The following MED12L variants were observed in gnomAD, a reference collection of about 807,000 sequenced individuals.
The protein encoded by MED12L is mediator complex subunit 12L.
MED12L carries 60 observed loss-of-function variants against 281.3 expected under a neutral mutation model. The observed-to-expected ratio is 0.21, with a 90% CI of 0.17 to 0.26. The LOEUF (loss-of-function observed/expected upper bound fraction) is 0.26, where lower values mean the gene tolerates loss of function less well. Among genes scored for constraint, MED12L ranks in the 10% least tolerant of loss-of-function variants. MED12L has a pLI of 1.00. For missense variants in MED12L, 2,146 were observed against 2,680.9 expected (o/e 0.80, Z 4.41); for synonymous variants, 974 against 987.2 (o/e 0.99, Z 0.25).
intron 44 of MED12L, among the ~76,000 whole-genome samples, chr3:151,430,955 T>G (rs1001250509): frequency 5.9e-5 from 9 of 151,724 alleles, no homozygotes; most frequent in Non-Finnish European, 1.5e-5. Context: ...TGTTTTGTTT[T>G]GTTTAATGTG....
At position 151,153,564 on chromosome 3, in the gene MED12L, C is replaced by CTTTTTTTT. The variant is rs1177653143; in HGVS notation, c.557-2582_557-2575dup. 1.1e-4 allele frequency among the ~76,000 whole-genome samples: 10 copies of CTTTTTTTT among 94,266 alleles called. 1 individual carries two copies. Among genetic ancestry groups the CTTTTTTTT allele is most frequent in the African/African-American group, 3.6e-4 (8 of 22,126 alleles). The allele number at this position is 94,266 out of a possible 152,430, so 61.8% of individuals were successfully genotyped here. A position where few individuals can be genotyped will look rare whatever the true frequency, so the allele number is the denominator to read the frequency against. On this transcript the variant is annotated intron_variant, in intron 5 of 44. Transcript: ENST00000687756. The stretch of plus-strand genomic sequence containing the variant: ...GTATGTATCCGTTTCTGTTTTCTTT[C>CTTTTTTTT]TTTTTTTTTTTTTTTTTTTTTTGAG...
chr3:151,094,701 C>T (rs1720489128), intron 2 of MED12L, among the ~76,000 whole-genome samples: 1 of 152,102 alleles, frequency 6.6e-6, no homozygotes. Flanking sequence ...GAAGGATTAC[C>T]ACTCACATGC....
At chr3:151,390,312 C>T (rs750332876) in intron 38 of MED12L, among the ~76,000 whole-genome samples, 177 bp downstream of exon 38, 9 of 152,056 alleles carry the variant, frequency 5.9e-5, no homozygotes, top group Non-Finnish European at 8.8e-5. Context: ...GGTTAAATTA[C>T]GAGTTTATGT....
intron 38 of MED12L, among the ~76,000 whole-genome samples, chr3:151,391,672 G>A (rs573899701): frequency 1.3e-4 from 20 of 152,302 alleles, no homozygotes; most frequent in South Asian, 6.2e-4. Flanking sequence ...ATCTTGGGCC[G>A]CATGCAGCAC....
chr3:151,291,765 A>G (rs1744284821), intron 16 of MED12L, among the ~76,000 whole-genome samples: 1 of 152,096 alleles, frequency 6.6e-6, no homozygotes, highest in South Asian at 2.1e-4. Flanking sequence ...TAAATGATTC[A>G]TTTTTCATTG....
At chr3:151,206,795 C>A (rs949792242) in intron 16 of MED12L, among the ~76,000 whole-genome samples, 2 of 151,464 alleles carry the variant, frequency 1.3e-5, no homozygotes, top group Non-Finnish European at 2.9e-5. Context: ...CAGGCACCCA[C>A]CACCACGCCC....
intron 26 of MED12L, among the ~76,000 whole-genome samples, chr3:151,370,603 C>A (rs1756055991): frequency 1.3e-5 from 2 of 152,138 alleles, no homozygotes; most frequent in South Asian, 4.1e-4. Flanking sequence ...ATACAGCCAA[C>A]ATTAAGTGCT....
intron 16 of MED12L, among the ~76,000 whole-genome samples, chr3:151,332,181 T>A (rs1375658516): frequency 1.3e-5 from 2 of 152,220 alleles, no homozygotes; most frequent in African/African-American, 2.4e-5. Flanking sequence ...AATAAACTAC[T>A]ATTTCCATTT....
intron 5 of MED12L, among the ~76,000 whole-genome samples, chr3:151,129,279 A>C (rs552191829): frequency 3.7e-4 from 57 of 152,340 alleles, no homozygotes; most frequent in African/African-American, 1.2e-3. Context: ...AATTAAAAAC[A>C]AAAACATGGT....
At position 151,300,077 on chromosome 3, in the gene MED12L, T is replaced by C. The variant is rs973710188; in HGVS notation, c.2251-49982T>C. The C allele has an allele frequency of 2.5e-6, 4 of 1,604,752 alleles. No individual in the cohort carries two copies. The African/African-American group carries it at 5.4e-5, about 21-fold the overall frequency. ...CTTACGACGGCTTACTTGGTAATTT[T>C]GCAAGCGTCAAGTTGAACCCCATTC... On this transcript the variant is annotated intron_variant, in intron 16 of 44. Transcript: ENST00000687756.
At chr3:151,328,972 T>C in intron 16 of MED12L, 1 of 1,612,170 alleles carries the variant, frequency 6.2e-7, no homozygotes, top group African/African-American at 1.3e-5. Flanking sequence ...TGTTGAAGCC[T>C]TGCATCACTG....
At chr3:151,274,077 G>A (rs1043666219) in intron 16 of MED12L, among the ~76,000 whole-genome samples, 1 of 152,130 alleles carries the variant, frequency 6.6e-6, no homozygotes, top group Non-Finnish European at 1.5e-5. Flanking sequence ...TGCTAAAGTC[G>A]TGGCTCATGA....
At chr3:151,113,905 C>G (rs1712317268) in intron 2 of MED12L, among the ~76,000 whole-genome samples, 1 of 152,180 alleles carries the variant, frequency 6.6e-6, no homozygotes, top group Admixed American at 6.5e-5. Flanking sequence ...CTATCTGGTT[C>G]TTAAAATCTC....
At position 151,309,391 on chromosome 3, in the gene MED12L, T is replaced by A. The variant is rs144061117; in HGVS notation, c.2251-40668T>A. On this transcript the variant is annotated intron_variant, in intron 16 of 44. Coordinates refer to ENST00000687756, the MANE Select transcript of MED12L (RefSeq NM_001393769.1). Reference sequence around the variant, plus strand: ...CTGCTATTCACATTTCTTTTCTTGATGTCCTCTTCTGTCACAGTCTTCACT... The same window carrying A: ...CTGCTATTCACATTTCTTTTCTTGAAGTCCTCTTCTGTCACAGTCTTCACT... Among the ~76,000 whole-genome samples the A allele has an allele frequency of 2.9e-3, 439 of 152,308 alleles. 1 individual carries two copies. The highest frequency in any genetic ancestry group is 2.5e-3 in the Non-Finnish European group (169 of 68,018).
chr3:151,393,512 C>T lies in MED12L; in HGVS notation c.5609-1144C>T, dbSNP rs186944837. On this transcript the variant is annotated intron_variant, in intron 38 of 44. Coordinates refer to ENST00000687756, the MANE Select transcript of MED12L (RefSeq NM_001393769.1). ...TCTGTCCTGCTCCCCCACAACCCCC[C>T]CTCCCACCGTAAAGATAAGCTGTTA... 2.9e-3 allele frequency among the ~76,000 whole-genome samples: 447 copies of T among 151,582 alleles called. 5 individuals carry two copies. The highest frequency in any genetic ancestry group is 0.01 in the African/African-American group (414 of 41,308).
chr3:151,404,031 G>T (rs1716005905), intron 39 of MED12L, among the ~76,000 whole-genome samples: 1 of 152,106 alleles, frequency 6.6e-6, no homozygotes, highest in South Asian at 2.1e-4. Flanking sequence ...ATAGGGCATT[G>T]TTTATTATTC....
intron 16 of MED12L, among the ~76,000 whole-genome samples, chr3:151,235,001 A>G (rs968402726): frequency 6.6e-6 from 1 of 152,238 alleles, no homozygotes; most frequent in Admixed American, 6.5e-5. Flanking sequence ...AACTTGTAGA[A>G]AAAGCTCAGG....
intron 16 of MED12L, among the ~76,000 whole-genome samples, chr3:151,279,473 C>T (rs1375076990): frequency 6.6e-6 from 1 of 152,204 alleles, no homozygotes; most frequent in Non-Finnish European, 1.5e-5. Flanking sequence ...TTCTGTCTCA[C>T]AGACTTGCTA....
intron 2 of MED12L, among the ~76,000 whole-genome samples, chr3:151,108,243 G>GGGCA (rs1711495973): frequency 1.3e-5 from 2 of 151,514 alleles, no homozygotes. Flanking sequence ...GTGGGGTGAG[G>GGGCA]GGCAGGTGGT....
Sources: allele counts gnomAD v4.1 joint callset (sites outside exome capture counted in the v4.1 genomes callset), GRCh38; gene constraint gnomAD v4.1.1; transcripts MANE v1.5; gene names NCBI Gene and HGNC (gene_info 2026-07-23, HGNC 2026-07-21).